SNRPE: variants seen among roughly 807,000 people sequenced by gnomAD.
The protein encoded by SNRPE is small nuclear ribonucleoprotein E.
For synonymous variants in SNRPE, 35 were observed against 36.7 expected (o/e 0.95, Z 0.17); for missense variants, 53 against 111.6 (o/e 0.48, Z 2.36).
At chr1:203,868,813 G>T (rs112642660) in intron 4 of SNRPE, among the ~76,000 whole-genome samples, 8 of 151,972 alleles carry the variant, frequency 5.3e-5, no homozygotes, top group Admixed American at 3.3e-4. Context: ...GGGATTACAG[G>T]GCATGCCACC....
At chr1:203,864,139 AG>A (rs1690037593) in intron 3 of SNRPE, among the ~76,000 whole-genome samples, 1 of 151,980 alleles carries the variant, frequency 6.6e-6, no homozygotes, top group Non-Finnish European at 1.5e-5. Flanking sequence ...TTTTTTATAG[AG>A]ATGAGGTCTC....
rs949922101 is a variant in SNRPE at position 203,865,261 on chromosome 1, A to G, written c.223+142A>G. 5.5e-6 allele frequency: 4 copies of G among 727,372 alleles called. No individual in the cohort carries two copies. In the African/African-American group the frequency reaches 7.1e-5, roughly 13 times the overall value. 45.1% of individuals were successfully genotyped at this position (727,372 alleles called of 1,614,324 possible). A position where few individuals can be genotyped will look rare whatever the true frequency, so the allele number is the denominator to read the frequency against. ...AGAGTAGTAGTACACTTTTGAAATC[A>G]TCCTCTACTACTCACTCCTCACCAC... On this transcript the variant is annotated intron_variant, in intron 4 of 4. Coordinates refer to ENST00000414487, the MANE Select transcript of SNRPE (RefSeq NM_003094.4).
At chr1:203,869,333 T>G (rs1690165351) in intron 4 of SNRPE, among the ~76,000 whole-genome samples, 1 of 112,646 alleles carries the variant, frequency 8.9e-6, no homozygotes. Flanking sequence ...TGGAGATGAA[T>G]TTTGCTCTTG....
intron 3 of SNRPE, 116 bp downstream of exon 3, chr1:203,863,841 T>A: frequency 1.5e-6 from 1 of 679,554 alleles, no homozygotes; most frequent in Non-Finnish European, 2.6e-6. Context: ...AGGAAAGTTT[T>A]TCAGGTGCTG....
rs1690020431 is a variant in SNRPE at position 203,863,531 on chromosome 1, G to GA, written c.82-132_82-131insA. On this transcript the variant is annotated intron_variant, in intron 2 of 4. Coordinates refer to ENST00000414487, the MANE Select transcript of SNRPE (RefSeq NM_003094.4). ...AGATGGGGTTTCACCATGTTAACGA[G>GA]GATGGTCTCTATCTCTTGACCTTGT... 5.4e-5 allele frequency: 36 copies of GA among 666,108 alleles called. No individual in the cohort carries two copies. The Admixed American group carries it at 8.2e-4, about 15-fold the overall frequency. The allele number at this position is 666,108 out of a possible 1,614,324, so 41.3% of individuals were successfully genotyped here.
rs552373537 is a variant in SNRPE, at chr1:203,861,623, A to G, written c.-37A>G. 11 of 1,572,270 alleles carry G rather than the reference A, an allele frequency of 7.0e-6. No homozygotes were observed. Among genetic ancestry groups the G allele is most frequent in the Non-Finnish European group, 7.0e-6 (8 of 1,141,972 alleles). On this transcript the variant is annotated 5_prime_UTR_variant, in exon 1 of 5. Coordinates refer to ENST00000414487, the MANE Select transcript of SNRPE (RefSeq NM_003094.4). ...TCTTTATTCCGGAAGTTGCTCTCAG[A>G]GGCAGCGTGCGGGTGTGCTCTTTGT...
chr1:203,867,767 A>G (rs1179292094), intron 4 of SNRPE, among the ~76,000 whole-genome samples: 1 of 152,154 alleles, frequency 6.6e-6, no homozygotes, highest in East Asian at 1.9e-4. Flanking sequence ...CCCAGTTTCT[A>G]ACAGGGACCA....
Position 203,870,961 on chromosome 1 carries a change from T to G in SNRPE, c.*1029T>G, listed in dbSNP as rs1465453137. Among the ~76,000 whole-genome samples the G allele has an allele frequency of 6.6e-6, 1 of 152,258 alleles. No homozygotes were observed. The highest frequency in any genetic ancestry group is 1.5e-5 in the Non-Finnish European group (1 of 68,048). On this transcript the variant is annotated 3_prime_UTR_variant, in exon 5 of 5. Transcript: ENST00000414487. The stretch of plus-strand genomic sequence containing the variant: ...AGGACCAAGAAGTCTGGCTCCTGCT[T>G]TTCTACATGCCTGTGAAGGAGACTT...
intron 3 of SNRPE, 106 bp from the exon 4 acceptor site, chr1:203,864,935 A>T: frequency 3.3e-6 from 3 of 922,118 alleles, no homozygotes; most frequent in Non-Finnish European, 4.5e-6. Context: ...GCTTGAGAAG[A>T]GTGAATCTTT....
chr1:203,868,949 G>A (rs1002093683), intron 4 of SNRPE, among the ~76,000 whole-genome samples: 3 of 152,170 alleles, frequency 2.0e-5, no homozygotes, highest in Non-Finnish European at 2.9e-5. Context: ...GATTATAGGT[G>A]TGAGCCACCA....
chr1:203,864,891 AAAAAAAAAAAC>A, intron 3 of SNRPE, 139 bp from the exon 4 acceptor site: 3 of 631,562 alleles, frequency 4.8e-6, no homozygotes, highest in Non-Finnish European at 6.9e-6. Flanking sequence ...AAAAAAAAAA[AAAAAAAAAAAC>A]TTTGGGTGGA....
intron 3 of SNRPE, among the ~76,000 whole-genome samples, chr1:203,863,936 CTGTCTA>C (rs1209215818): frequency 8.5e-6 from 1 of 117,828 alleles, no homozygotes; most frequent in Non-Finnish European, 1.9e-5. Context: ...TTTCTTTCCT[CTGTCTA>C]TGTTGAGAAG....
chr1:203,863,189 T>TGGGGGGC (rs1426245752), intron 2 of SNRPE, among the ~76,000 whole-genome samples: 3 of 108,730 alleles, frequency 2.8e-5, no homozygotes, highest in East Asian at 3.2e-4. Flanking sequence ...TTCAATTTTT[T>TGGGGGGC]GGGGGGCGGG....
rs1239955536 is a variant in SNRPE at position 203,868,956 on chromosome 1, A to G, written c.224-921A>G. ...AGTGCTGGGATTATAGGTGTGAGCCACCATACCCAGCCGGGTTTTTTAGAT... is the reference window on the plus strand; with the variant it reads ...AGTGCTGGGATTATAGGTGTGAGCCGCCATACCCAGCCGGGTTTTTTAGAT... On this transcript the variant is annotated intron_variant, in intron 4 of 4. Coordinates refer to ENST00000414487, the MANE Select transcript of SNRPE (RefSeq NM_003094.4). Among the ~76,000 whole-genome samples the G allele has an allele frequency of 2.0e-5, 3 of 152,250 alleles. No homozygotes were observed. In the East Asian group the frequency reaches 5.8e-4, roughly 29 times the overall value.
At chr1:203,863,325 C>G in intron 2 of SNRPE, among the ~76,000 whole-genome samples, 1 of 151,914 alleles carries the variant, frequency 6.6e-6, no homozygotes. Flanking sequence ...GCCTGTTTTT[C>G]TTTTCTTTTT....
chr1:203,865,346 A>G (rs927703460), intron 4 of SNRPE, among the ~76,000 whole-genome samples: 2 of 152,184 alleles, frequency 1.3e-5, no homozygotes, highest in African/African-American at 2.4e-5. Flanking sequence ...GACTAGTGGT[A>G]TTAAATCTAA....
chr1:203,867,191 A>T (rs1314643553), intron 4 of SNRPE, among the ~76,000 whole-genome samples: 3 of 148,864 alleles, frequency 2.0e-5, no homozygotes, highest in Non-Finnish European at 3.0e-5. Flanking sequence ...GAGGCAGGAG[A>T]ATGGCGCGAA....
At chr1:203,862,244 TA>T in intron 2 of SNRPE, 22 bp downstream of exon 2, 1 of 1,565,850 alleles carries the variant, frequency 6.4e-7, no homozygotes, top group Non-Finnish European at 8.8e-7. Context: ...GCTTGTTTCG[TA>T]ACTACTTTTT....
intron 1 of SNRPE, 41 bp downstream of exon 1, chr1:203,861,754 G>A (rs948479930): frequency 1.4e-6 from 2 of 1,469,698 alleles, no homozygotes. Context: ...GTTCGGGTCA[G>A]AATACGGGGT....
Sources: gnomAD v4.1 joint callset for allele counts (sites outside exome capture counted in the v4.1 genomes callset) on GRCh38, gnomAD v4.1.1 for gene constraint, MANE v1.5 for transcripts, NCBI Gene and HGNC (gene_info 2026-07-23, HGNC 2026-07-21) for gene names.